The following EML5 variants were observed in gnomAD, a reference collection of about 807,000 sequenced individuals.
EML5 encodes EMAP like 5.
In EML5, 120 loss-of-function variants were observed where a neutral mutation model predicts 250.0. The observed-to-expected ratio is 0.48, with a 90% CI of 0.41 to 0.56. The LOEUF is 0.56. Ranked by LOEUF, EML5 falls within the 20% of genes least tolerant of loss-of-function variation. The pLI is 0.00. For synonymous variants in EML5, 771 were observed against 806.5 expected (o/e 0.96, Z 0.75); for missense variants, 2,006 against 2,437.6 (o/e 0.82, Z 3.73).
intron 7 of EML5, 131 bp downstream of exon 7, chr14:88,736,233 T>TA: frequency 1.1e-6 from 1 of 951,352 alleles, no homozygotes; most frequent in Non-Finnish European, 1.6e-6. Context: ...TCCCTTGACC[T>TA]TGTGATCTGC....
chr14:88,645,621 C>A (rs561471700), intron 29 of EML5, among the ~76,000 whole-genome samples: 1 of 152,268 alleles, frequency 6.6e-6, no homozygotes, highest in Non-Finnish European at 1.5e-5. Context: ...TTTCTCCATG[C>A]CCTTCACCTT....
intron 10 of EML5, among the ~76,000 whole-genome samples, chr14:88,708,032 T>C (rs1471675241): frequency 6.6e-6 from 1 of 152,096 alleles, no homozygotes; most frequent in Non-Finnish European, 1.5e-5. Context: ...CTATACCGAG[T>C]GATAGAGAGA....
intron 27 of EML5, among the ~76,000 whole-genome samples, chr14:88,651,525 T>C (rs1433332821): frequency 2.6e-5 from 4 of 152,086 alleles, no homozygotes; most frequent in Admixed American, 1.3e-4. Flanking sequence ...TTTTCTGACA[T>C]ACCAAATTTA....
chr14:88,744,483 C>T (rs1427632159), intron 3 of EML5, among the ~76,000 whole-genome samples: 1 of 151,936 alleles, frequency 6.6e-6, no homozygotes, highest in African/African-American at 2.4e-5. Flanking sequence ...AAATAAGAAA[C>T]ACCTTTATAG....
At chr14:88,621,840 C>G (rs1279587846) in intron 37 of EML5, 1 of 456,032 alleles carries the variant, frequency 2.2e-6, no homozygotes, top group East Asian at 6.9e-5. Flanking sequence ...ATACGCATAA[C>G]CATCACCTCA....
At chr14:88,719,814 AT>A (rs1015744418) in intron 8 of EML5, among the ~76,000 whole-genome samples, 37 of 152,294 alleles carry the variant, frequency 2.4e-4, no homozygotes, top group African/African-American at 8.9e-4. Context: ...AGATAGACAC[AT>A]GAAAATCCCT....
chr14:88,730,135 TTA>T (rs1395445738), intron 7 of EML5, among the ~76,000 whole-genome samples: 1 of 152,180 alleles, frequency 6.6e-6, no homozygotes, highest in Admixed American at 6.5e-5. Flanking sequence ...TGTTACATTT[TTA>T]AGGCACAATG....
In EML5 at chr14:88,715,004, G is replaced by C. The variant is rs768400185; in HGVS notation, c.1379C>G (p.Ser460Cys). The part of the protein sequence containing the change: ...SLSFITHLDW[S>C]SDSRYLQTND... ...TGTCTGCAAATATCTACTGTCTGAAGACCAGTCCAGATGAGTGATGAAACT... is the reference window on the plus strand; with the variant it reads ...TGTCTGCAAATATCTACTGTCTGAACACCAGTCCAGATGAGTGATGAAACT... Residue 460 changes from serine to cysteine, a missense_variant, in exon 9 of 44, where the codon TCT (serine) becomes TGT (cysteine). Ser to Cys is a moderately radical substitution (Grantham distance 112, BLOSUM62 -1). Transcript: ENST00000554922. 6.2e-7 allele frequency: 1 copy of C among 1,613,756 alleles called. No homozygotes were observed.
intron 21 of EML5, among the ~76,000 whole-genome samples, chr14:88,672,187 T>A (rs564869809): frequency 1.3e-5 from 2 of 151,900 alleles, no homozygotes; most frequent in Non-Finnish European, 2.9e-5. Context: ...AGAACTGAAA[T>A]CATAACAGTC....
intron 4 of EML5, among the ~76,000 whole-genome samples, chr14:88,743,380 T>G (rs1454266772): frequency 6.6e-6 from 1 of 151,998 alleles, no homozygotes; most frequent in Non-Finnish European, 1.5e-5. Context: ...CCCATGAATA[T>G]GTACTATCAT....
In EML5 at chr14:88,696,896, G is replaced by A. The variant is rs762701465; in HGVS notation, c.2295C>T (p.Ser765=). 2.8e-5 allele frequency: 45 copies of A among 1,609,990 alleles called. No homozygotes were observed. The highest frequency in any genetic ancestry group is 3.5e-5 in the Non-Finnish European group (41 of 1,177,994). Residue 765 remains serine, a synonymous_variant, in exon 15 of 44, where the codon TCC becomes TCT. Coordinates refer to ENST00000554922, the MANE Select transcript of EML5 (RefSeq NM_183387.3). Reference sequence around the variant, plus strand: ...CATACTGGTGGTGGCCCTTTAATATGGACAATGGTTTAATGGTCTCTGTAT... The same window carrying A: ...CATACTGGTGGTGGCCCTTTAATATAGACAATGGTTTAATGGTCTCTGTAT... ...IWDTETIKPL[S]ILKGHHQYGV...
rs182196946 is a variant in EML5 at position 88,680,922 on chromosome 14, C to A, written c.3124+968G>T. Among the ~76,000 whole-genome samples, 226 of 151,048 alleles carry A rather than the reference C, an allele frequency of 1.5e-3. 2 individuals carry two copies. The highest frequency in any genetic ancestry group is 5.2e-3 in the African/African-American group (215 of 41,140). ...GAGTCAGCAGAAAAAAAACAAAAAC[C>A]AAAACAAAAAAACAAGAAAACATCC... On this transcript the variant is annotated intron_variant, in intron 21 of 43. Transcript: ENST00000554922.
At chr14:88,738,371 G>C (rs2093876710) in intron 6 of EML5, among the ~76,000 whole-genome samples, 2 of 150,714 alleles carry the variant, frequency 1.3e-5, no homozygotes, top group African/African-American at 2.4e-5. Flanking sequence ...AGCTTTTATA[G>C]TAAAAGGTCC....
intron 1 of EML5, among the ~76,000 whole-genome samples, chr14:88,781,548 T>G (rs2094497793): frequency 2.6e-5 from 4 of 152,344 alleles, no homozygotes; most frequent in Non-Finnish European, 5.9e-5. Flanking sequence ...CTTATTGATA[T>G]GGTTTAGTTG....
intron 6 of EML5, among the ~76,000 whole-genome samples, chr14:88,737,234 T>C (rs2093855215): frequency 1.3e-5 from 2 of 152,204 alleles, no homozygotes; most frequent in Admixed American, 6.5e-5. Flanking sequence ...CCCCCATTTA[T>C]TGGGCAGGAC....
At chr14:88,770,185 T>G (rs1187699691) in intron 1 of EML5, among the ~76,000 whole-genome samples, 1 of 152,182 alleles carries the variant, frequency 6.6e-6, no homozygotes, top group Non-Finnish European at 1.5e-5. Flanking sequence ...GGCTATGGTT[T>G]GCACAGAAAG....
chr14:88,664,139 A>G (rs1184735355), intron 23 of EML5, among the ~76,000 whole-genome samples: 1 of 151,620 alleles, frequency 6.6e-6, no homozygotes, highest in Non-Finnish European at 1.5e-5. Flanking sequence ...TTAGCCAGGC[A>G]TGGTGGTGCA....
intron 28 of EML5, among the ~76,000 whole-genome samples, chr14:88,648,002 T>G: frequency 6.6e-6 from 1 of 152,150 alleles, no homozygotes. Context: ...GGTTCCCCAG[T>G]CAGTGAATCC....
chr14:88,641,622 TCC>T (rs1262652089), intron 31 of EML5, among the ~76,000 whole-genome samples: 1 of 152,050 alleles, frequency 6.6e-6, no homozygotes, highest in East Asian at 1.9e-4. Flanking sequence ...AAATCCAACA[TCC>T]CTTTCATGTT....
Sources: gnomAD v4.1 joint callset for allele counts (sites outside exome capture counted in the v4.1 genomes callset) on GRCh38, gnomAD v4.1.1 for gene constraint, MANE v1.5 for transcripts, NCBI Gene and HGNC (gene_info 2026-07-23, HGNC 2026-07-21) for gene names.